The following NFRKB variants were observed in gnomAD, a reference collection of about 807,000 sequenced individuals.
NFRKB encodes nuclear factor related to kappa-B-binding protein.
In NFRKB, 62 loss-of-function variants were observed where a neutral mutation model predicts 135.7. The ratio of observed to expected loss-of-function variants is 0.46; its 90% CI spans 0.37 to 0.56. The LOEUF (loss-of-function observed/expected upper bound fraction) is 0.56. Among genes scored for constraint, NFRKB ranks in the 20% least tolerant of loss-of-function variants. NFRKB has a pLI of 0.00. For missense variants in NFRKB, 1,545 were observed against 1,662.0 expected, an observed-to-expected ratio of 0.93 and a Z score of 1.22; for synonymous variants, 678 against 635.6, an observed-to-expected ratio of 1.07 and a Z score of -1.00.
intron 24 of NFRKB, among the ~76,000 whole-genome samples, chr11:129,868,298 A>G (rs1192643198): frequency 2.6e-5 from 4 of 152,250 alleles, no homozygotes; most frequent in Non-Finnish European, 5.9e-5. Context: ...AAAGTGGCAA[A>G]GATTTACTCA....
intron 24 of NFRKB, among the ~76,000 whole-genome samples, chr11:129,868,974 C>G (rs143483244): frequency 6.6e-6 from 1 of 151,598 alleles, no homozygotes; most frequent in South Asian, 2.1e-4. Context: ...GAGCCGAGAT[C>G]GTGCCATTGC....
At position 129,874,688 on chromosome 11, in the gene NFRKB, C is replaced by A; in HGVS notation, c.1978+105G>T. 2 of 1,602,452 alleles carry A rather than the reference C, an allele frequency of 1.2e-6. No individual in the cohort carries two copies. The highest frequency in any genetic ancestry group is 1.7e-6 in the Non-Finnish European group (2 of 1,171,482). On this transcript the variant is annotated intron_variant, in intron 19 of 26. Transcript: ENST00000682444. The surrounding 1 kb of genome is among the most constrained non-coding windows in gnomAD (Gnocchi z 4.5). ...GCCAGTGGACTGAATCCTGCCTCTA[C>A]CATCTTGTCCTACCTATATGCCAAT... is the stretch of plus-strand genomic sequence containing the variant.
chr11:129,882,282 A>G (rs1783910), intron 10 of NFRKB, 88 bp from the exon 11 acceptor site: 191,874 of 1,360,292 alleles, frequency 0.14, 13,776 homozygotes, highest in Middle Eastern at 0.16. Flanking sequence ...TAGCAGTCAT[A>G]AAAGAGTTCA....
intron 23 of NFRKB, 153 bp downstream of exon 23, chr11:129,872,731 G>T: frequency 1.4e-6 from 1 of 693,240 alleles, no homozygotes; most frequent in Non-Finnish European, 2.4e-6. Flanking sequence ...CTTTGCCTTT[G>T]GTGGGAACTC....
chr11:129,865,867 T>G lies in NFRKB; in HGVS notation c.3638+10A>C. On this transcript the variant is annotated intron_variant, in intron 25 of 26. Transcript: ENST00000682444. ...CCGAATTGGTTCCTTTACCATGACA[T>G]AGTACTTACTTGGCTCCAAGGTTGC... is the stretch of plus-strand genomic sequence containing the variant. 3.1e-6 allele frequency: 5 copies of G among 1,613,540 alleles called. No homozygotes were observed. The highest frequency in any genetic ancestry group is 4.2e-6 in the Non-Finnish European group (5 of 1,179,556).
rs78506254 is a variant in NFRKB at position 129,882,929 on chromosome 11, A to G, written c.901+193T>C. ...CTCCCAAGTATACAGCTTAATTTTA[A>G]TATTTATTAAAGAGCTGATGCTCTG... On this transcript the variant is annotated intron_variant, in intron 9 of 26. Coordinates refer to ENST00000682444, the MANE Select transcript of NFRKB (RefSeq NM_001143835.2). Among the ~76,000 whole-genome samples the G allele has an allele frequency of 8.0e-4, 121 of 152,192 alleles. 1 individual carries two copies. In the East Asian group the frequency reaches 0.023, roughly 28 times the overall value.
chr11:129,875,639 TC>T (rs1948727975), intron 17 of NFRKB, among the ~76,000 whole-genome samples, 176 bp from the exon 18 acceptor site: 1 of 148,132 alleles, frequency 6.8e-6, no homozygotes. Flanking sequence ...CCACTGGAGT[TC>T]CCTATACACT....
intron 6 of NFRKB, among the ~76,000 whole-genome samples, chr11:129,885,088 C>A (rs970289146): frequency 6.6e-6 from 1 of 152,158 alleles, no homozygotes; most frequent in African/African-American, 2.4e-5. Context: ...AGAGCCACTA[C>A]TACTCTCCTG....
intron 11 of NFRKB, 34 bp downstream of exon 11, chr11:129,882,052 T>A (rs370565988): frequency 6.4e-7 from 1 of 1,557,356 alleles, no homozygotes; most frequent in Admixed American, 2.0e-5. Context: ...CTTTGAAAAC[T>A]CTAATGTACC....
intron 25 of NFRKB, among the ~76,000 whole-genome samples, chr11:129,865,625 T>C (rs931773551): frequency 3.3e-5 from 5 of 152,222 alleles, no homozygotes; most frequent in Admixed American, 1.3e-4. Context: ...ACCACGCATG[T>C]TGCTTTTTTA....
At position 129,888,799 on chromosome 11, in the gene NFRKB, G is replaced by A; in HGVS notation, c.136-4C>T. On this transcript the variant is annotated splice_region_variant and splice_polypyrimidine_tract_variant and intron_variant, in intron 3 of 26. Coordinates refer to ENST00000682444, the MANE Select transcript of NFRKB (RefSeq NM_001143835.2). Reference sequence around the variant, plus strand: ...CAACATCAAAGAAGATCTCAGGCTAGGAGAAATAGGAAAAGTAAACAAAAG... The same window carrying A: ...CAACATCAAAGAAGATCTCAGGCTAAGAGAAATAGGAAAAGTAAACAAAAG... 1.2e-6 allele frequency: 2 copies of A among 1,606,960 alleles called. No homozygotes were observed. Among genetic ancestry groups the A allele is most frequent in the Non-Finnish European group, 1.7e-6 (2 of 1,175,258 alleles).
intron 24 of NFRKB, among the ~76,000 whole-genome samples, chr11:129,868,632 C>A (rs780734744): frequency 1.9e-4 from 29 of 152,194 alleles, no homozygotes; most frequent in Non-Finnish European, 3.8e-4. Context: ...ACAGTGGAAA[C>A]GCATCCTTTA....
Position 129,869,745 on chromosome 11 carries a change from G to A in NFRKB, c.3280C>T (p.Leu1094=), listed in dbSNP as rs140087414. The change falls in exon 24 of 27, where the codon CTG becomes TTG. Residue 1094 remains leucine, a synonymous_variant. Coordinates refer to ENST00000682444, the MANE Select transcript of NFRKB (RefSeq NM_001143835.2). ...CCTGCTTTGGGAGGCATCACTCCCAGTCCCTGCACGATGCGGATCGTGGCA... is the reference window on the plus strand; with the variant it reads ...CCTGCTTTGGGAGGCATCACTCCCAATCCCTGCACGATGCGGATCGTGGCA... The part of the protein sequence containing the change: ...PAATIRIVQG[L]GVMPPKAGQT... 215 of 1,614,272 alleles carry A rather than the reference G, an allele frequency of 1.3e-4. 1 individual carries two copies. In the African/African-American group the frequency reaches 2.6e-3, roughly 20 times the overall value.
intron 24 of NFRKB, 56 bp downstream of exon 24, chr11:129,869,438 A>G: frequency 6.6e-7 from 1 of 1,513,500 alleles, no homozygotes; most frequent in Non-Finnish European, 8.8e-7. Context: ...TGGGCAGTTG[A>G]GCCTTGATTA....
chr11:129,875,927 G>C (rs1948746687), intron 17 of NFRKB, among the ~76,000 whole-genome samples: 1 of 152,098 alleles, frequency 6.6e-6, no homozygotes, highest in Non-Finnish European at 1.5e-5. Flanking sequence ...AAAGTGCTGG[G>C]ATTACATGCA....
At chr11:129,867,224 T>G (rs1948237792) in intron 24 of NFRKB, among the ~76,000 whole-genome samples, 1 of 152,140 alleles carries the variant, frequency 6.6e-6, no homozygotes, top group South Asian at 2.1e-4. Context: ...GATATAACCT[T>G]TCTGTTAGAG....
At position 129,881,998 on chromosome 11, in the gene NFRKB, C is replaced by CA. The variant is rs1255604603; in HGVS notation, c.1191+87dup. On this transcript the variant is annotated intron_variant, in intron 11 of 26. Transcript: ENST00000682444. ...TAACTACAGAGCGTTGAGAGGAACT[C>CA]AGAGTTCCACTTCTCAAGCTATAGA... is the stretch of plus-strand genomic sequence containing the variant. 3.9e-5 allele frequency: 57 copies of CA among 1,451,430 alleles called. No individual in the cohort carries two copies. In the African/African-American group the frequency reaches 4.8e-4, roughly 12 times the overall value. The allele number at this position is 1,451,430 out of a possible 1,614,324, so 89.9% of individuals were successfully genotyped here. A position where few individuals can be genotyped will look rare whatever the true frequency, so the allele number is the denominator to read the frequency against.
chr11:129,868,335 T>A (rs967782293), intron 24 of NFRKB, among the ~76,000 whole-genome samples: 2 of 152,176 alleles, frequency 1.3e-5, no homozygotes, highest in African/African-American at 4.8e-5. Context: ...AATCTCCAAA[T>A]GAATGGATAC....
Position 129,886,455 on chromosome 11 carries a change from T to G in NFRKB, c.338-11A>C, listed in dbSNP as rs763556423. 2 of 1,612,206 alleles carry G rather than the reference T, an allele frequency of 1.2e-6. No individual in the cohort carries two copies. Among genetic ancestry groups the G allele is most frequent in the Non-Finnish European group, 1.7e-6 (2 of 1,178,838 alleles). On this transcript the variant is annotated splice_polypyrimidine_tract_variant and intron_variant, in intron 4 of 26. Transcript: ENST00000682444. ...GGTTAAAGTGTCCGTCTTAAAAAAATAAAGGTATATATATTTACATCAATC... is the reference window on the plus strand; with the variant it reads ...GGTTAAAGTGTCCGTCTTAAAAAAAGAAAGGTATATATATTTACATCAATC...
Sources: allele counts gnomAD v4.1 joint callset (sites outside exome capture counted in the v4.1 genomes callset), GRCh38; gene constraint gnomAD v4.1.1; non-coding constraint Gnocchi (gnomAD v3.1); transcripts MANE v1.5; gene names NCBI Gene and HGNC (gene_info 2026-07-23, HGNC 2026-07-21).